CRACR2A: variants seen among roughly 807,000 people sequenced by gnomAD.
CRACR2A encodes the protein calcium release activated channel regulator 2A.
A neutral mutation model predicts 90.5 loss-of-function variants in CRACR2A; 79 were observed. That is an observed-to-expected ratio of 0.87 (90% CI 0.73 to 1.05). The LOEUF (loss-of-function observed/expected upper bound fraction) is 1.05, where lower values mean the gene tolerates loss of function less well. Among genes scored for constraint, CRACR2A ranks in the 50% least tolerant of loss-of-function variants. The probability of loss-of-function intolerance (pLI) is 0.00; values close to 1 mark genes in which losing one functional copy is unlikely to be tolerated. For missense variants in CRACR2A, 823 were observed against 897.2 expected (o/e 0.92, Z 1.06); for synonymous variants, 338 against 356.7 (o/e 0.95, Z 0.59).
Position 3,615,405 on chromosome 12 carries a change from C to A in CRACR2A, c.2146G>T (p.Asp716Tyr), listed in dbSNP as rs1295616331. ...GCAGGGTGGCCGACCTGAATGGTGTCCTCTCTCACTGTGTCTTCTTGCTCC... is the reference window on the plus strand; with the variant it reads ...GCAGGGTGGCCGACCTGAATGGTGTACTCTCTCACTGTGTCTTCTTGCTCC... Reference protein sequence around the residue: ...LKEQEDTVREDTIQVGHPAKK... With the variant: ...LKEQEDTVREYTIQVGHPAKK... Residue 716 changes from aspartate to tyrosine, a missense_variant, in exon 20 of 20, where the codon GAC becomes TAC. Physicochemically the swap from Asp to Tyr is radical, Grantham distance 160. Coordinates refer to ENST00000440314, the MANE Select transcript of CRACR2A (RefSeq NM_001144958.2). 3 of 1,551,370 alleles carry A rather than the reference C, an allele frequency of 1.9e-6. No homozygotes were observed. In the South Asian group the frequency reaches 3.6e-5, roughly 18 times the overall value.
chr12:3,644,394 A>G (rs1944647173), intron 12 of CRACR2A, among the ~76,000 whole-genome samples: 1 of 152,142 alleles, frequency 6.6e-6, no homozygotes, highest in East Asian at 1.9e-4. Flanking sequence ...AGGAAACTGC[A>G]TTACTCTGTG....
At chr12:3,646,418 T>C (rs968566023) in intron 11 of CRACR2A, among the ~76,000 whole-genome samples, 5 of 152,242 alleles carry the variant, frequency 3.3e-5, no homozygotes, top group Non-Finnish European at 5.9e-5. Flanking sequence ...GGAGCACTTA[T>C]TGTGGGCCAG....
chr12:3,619,252 G>A lies in CRACR2A; in HGVS notation c.2034+19C>T, dbSNP rs1867759513. The A allele has an allele frequency of 6.5e-7, 1 of 1,545,056 alleles. No individual in the cohort carries two copies. The highest frequency in any genetic ancestry group is 8.8e-7 in the Non-Finnish European group (1 of 1,141,262). Reference sequence around the variant, plus strand: ...GGGGTCACACTCTGTCCAGAGAGATGGAAATGCTTGCTCTTTACCGTGGCA... The same window carrying A: ...GGGGTCACACTCTGTCCAGAGAGATAGAAATGCTTGCTCTTTACCGTGGCA... On this transcript the variant is annotated intron_variant, in intron 18 of 19. Transcript: ENST00000440314.
chr12:3,653,211 G>C (rs887476062), intron 10 of CRACR2A, among the ~76,000 whole-genome samples: 2 of 150,548 alleles, frequency 1.3e-5, no homozygotes, highest in African/African-American at 2.4e-5. Context: ...TTGAACTCCT[G>C]ACCTTGTAAT....
intron 6 of CRACR2A, among the ~76,000 whole-genome samples, chr12:3,677,233 C>A (rs1205060864): frequency 6.6e-6 from 1 of 152,188 alleles, no homozygotes; most frequent in Non-Finnish European, 1.5e-5. Context: ...CTTTAAAGAG[C>A]CCTCAAATAT....
chr12:3,662,071 AG>A (rs1456655834), intron 7 of CRACR2A, among the ~76,000 whole-genome samples: 1 of 152,228 alleles, frequency 6.6e-6, no homozygotes, highest in African/African-American at 2.4e-5. Context: ...ACTGGCAGGA[AG>A]ATAGATACAG....
intron 4 of CRACR2A, among the ~76,000 whole-genome samples, chr12:3,691,524 T>A (rs554740787): frequency 6.6e-6 from 1 of 152,362 alleles, no homozygotes; most frequent in East Asian, 1.9e-4. Context: ...GTTAGTCTGA[T>A]GGGCTTCCCT....
intron 3 of CRACR2A, among the ~76,000 whole-genome samples, chr12:3,712,735 G>C (rs1946024451): frequency 6.6e-6 from 1 of 152,180 alleles, no homozygotes; most frequent in Non-Finnish European, 1.5e-5. Flanking sequence ...TGGCTGAAAT[G>C]AGACAGCAGA....
At chr12:3,694,675 C>T (rs1180122009) in intron 4 of CRACR2A, among the ~76,000 whole-genome samples, 2 of 152,198 alleles carry the variant, frequency 1.3e-5, no homozygotes, top group East Asian at 3.9e-4. Context: ...TGTTCTTCTT[C>T]TTCATGCATC....
chr12:3,631,460 C>T, intron 15 of CRACR2A, among the ~76,000 whole-genome samples: 1 of 152,092 alleles, frequency 6.6e-6, no homozygotes, highest in East Asian at 1.9e-4. Context: ...TGTGCCAGAG[C>T]CGAGACTGTA....
rs59280820 is a variant in CRACR2A at position 3,656,464 on chromosome 12, A to AT, written c.763-59dup. ...CAAATGTAGCACACCCGGGTTATAG[A>AT]TTTTTTTTTTCCCACCTTGAACCTA... On this transcript the variant is annotated intron_variant, in intron 8 of 19. Coordinates refer to ENST00000440314, the MANE Select transcript of CRACR2A (RefSeq NM_001144958.2). 5.1e-3 allele frequency: 7,560 copies of AT among 1,489,392 alleles called. 56 individuals carry two copies. In the East Asian group the frequency reaches 0.056, roughly 11 times the overall value. The allele number at this position is 1,489,392 out of a possible 1,614,324, so 92.3% of individuals were successfully genotyped here. A position where few individuals can be genotyped will look rare whatever the true frequency, so the allele number is the denominator to read the frequency against.
chr12:3,694,527 G>A (rs1274487114), intron 4 of CRACR2A, among the ~76,000 whole-genome samples: 1 of 152,154 alleles, frequency 6.6e-6, no homozygotes, highest in African/African-American at 2.4e-5. Flanking sequence ...CCAACCAAAG[G>A]GGGTGACTGT....
intron 8 of CRACR2A, among the ~76,000 whole-genome samples, chr12:3,657,937 G>A (rs1233193915): frequency 6.6e-6 from 1 of 152,180 alleles, no homozygotes; most frequent in Admixed American, 6.5e-5. Context: ...ATTCCGGTCC[G>A]AGGGTCCAGC....
chr12:3,616,884 AC>A, intron 19 of CRACR2A, 69 bp downstream of exon 19: 1 of 1,258,560 alleles, frequency 7.9e-7, no homozygotes, highest in Non-Finnish European at 1.1e-6. Context: ...GGAGGGAAAC[AC>A]GGTGCCTCCC....
intron 6 of CRACR2A, among the ~76,000 whole-genome samples, chr12:3,677,704 GC>G (rs1227896546): frequency 1.3e-5 from 2 of 152,152 alleles, no homozygotes; most frequent in Admixed American, 1.3e-4. Context: ...ACCCACCTGT[GC>G]CCCTTCCACC....
chr12:3,626,954 G>A (rs1306658932), intron 17 of CRACR2A, among the ~76,000 whole-genome samples: 1 of 152,136 alleles, frequency 6.6e-6, no homozygotes, highest in African/African-American at 2.4e-5. Flanking sequence ...TGTGACAGAG[G>A]CCCCCAAACA....
At chr12:3,648,410 A>G in intron 11 of CRACR2A, 132 bp downstream of exon 11, 2 of 1,576,436 alleles carry the variant, frequency 1.3e-6, no homozygotes, top group South Asian at 1.2e-5. Flanking sequence ...ACTGGGGACC[A>G]AGGGAATTGA....
chr12:3,735,993 A>G (rs774162623), intron 1 of CRACR2A, among the ~76,000 whole-genome samples: 9 of 152,272 alleles, frequency 5.9e-5, no homozygotes, highest in Middle Eastern at 3.4e-3. Context: ...GGGCAAGACA[A>G]GTAAGCTGTG....
Position 3,736,223 on chromosome 12 carries a change from G to A in CRACR2A, c.-386-3013C>T, listed in dbSNP as rs535271878. On this transcript the variant is annotated intron_variant, in intron 1 of 19. Transcript: ENST00000440314. ...AGTACAGCAGGGGCTGCACTAAGGCGGTGGCAGTGCAGAGAGAGGAGGGAT... is the reference window on the plus strand; with the variant it reads ...AGTACAGCAGGGGCTGCACTAAGGCAGTGGCAGTGCAGAGAGAGGAGGGAT... 1.7e-4 allele frequency among the ~76,000 whole-genome samples: 26 copies of A among 151,964 alleles called. 1 individual carries two copies. Among genetic ancestry groups the A allele is most frequent in the South Asian group, 6.3e-4 (3 of 4,788 alleles).
Sources: allele counts gnomAD v4.1 joint callset (sites outside exome capture counted in the v4.1 genomes callset), GRCh38; gene constraint gnomAD v4.1.1; transcripts MANE v1.5; gene names NCBI Gene and HGNC (gene_info 2026-07-23, HGNC 2026-07-21).